The following ENOX1 variants were observed in gnomAD, a reference collection of about 807,000 sequenced individuals.
The protein encoded by ENOX1 is candidate growth-related and time keeping constitutive hydroquinone (NADH) oxidase.
Under a neutral mutation model 82.5 loss-of-function variants are expected in ENOX1, and 42 were observed. The observed-to-expected ratio is 0.51, with a 90% CI of 0.40 to 0.66. The LOEUF (loss-of-function observed/expected upper bound fraction) is 0.66. Ranked by LOEUF, ENOX1 falls within the 30% of genes least tolerant of loss-of-function variation. The pLI is 0.00. For missense variants in ENOX1, 608 were observed against 811.6 expected, an observed-to-expected ratio of 0.75 and a Z score of 3.05; for synonymous variants, 271 against 282.2, an observed-to-expected ratio of 0.96 and a Z score of 0.40.
At chr13:43,331,601 C>T (rs1477855942) in intron 9 of ENOX1, among the ~76,000 whole-genome samples, 1 of 152,062 alleles carries the variant, frequency 6.6e-6, no homozygotes, top group African/African-American at 2.4e-5. Flanking sequence ...CCTCTCCCAC[C>T]CCAGCTTGTT....
intron 3 of ENOX1, among the ~76,000 whole-genome samples, chr13:43,437,239 C>A (rs1273163986): frequency 6.6e-6 from 1 of 152,150 alleles, no homozygotes. Flanking sequence ...GCAAAATAAT[C>A]CGCACATTGG....
intron 5 of ENOX1, among the ~76,000 whole-genome samples, chr13:43,381,479 A>AG: frequency 6.6e-6 from 1 of 151,044 alleles, no homozygotes; most frequent in Non-Finnish European, 1.5e-5. Flanking sequence ...TATAAAAAAA[A>AG]AAAACCTTAA....
At chr13:43,386,862 C>T (rs1469673564) in intron 5 of ENOX1, among the ~76,000 whole-genome samples, 7 of 152,218 alleles carry the variant, frequency 4.6e-5, no homozygotes, top group Admixed American at 2.6e-4. Context: ...TGACAACAAG[C>T]TTTCAAATTC....
intron 1 of ENOX1, among the ~76,000 whole-genome samples, chr13:43,733,868 A>C (rs2089473494): frequency 6.6e-6 from 1 of 152,180 alleles, no homozygotes; most frequent in South Asian, 2.1e-4. Flanking sequence ...TAAACCTATA[A>C]GAGAGAACAG....
intron 2 of ENOX1, among the ~76,000 whole-genome samples, chr13:43,588,097 CTAAT>C (rs2081076128): frequency 6.6e-6 from 1 of 152,186 alleles, no homozygotes; most frequent in African/African-American, 2.4e-5. Flanking sequence ...AATTTCATCT[CTAAT>C]TAACTCCTTA....
chr13:43,338,040 T>C (rs967077536), intron 9 of ENOX1, among the ~76,000 whole-genome samples: 1 of 152,220 alleles, frequency 6.6e-6, no homozygotes, highest in Non-Finnish European at 1.5e-5. Flanking sequence ...TTGCCTTTTC[T>C]CCAGTTTGTT....
At chr13:43,520,183 A>G (rs994744314) in intron 2 of ENOX1, among the ~76,000 whole-genome samples, 2 of 152,168 alleles carry the variant, frequency 1.3e-5, no homozygotes, top group Non-Finnish European at 1.5e-5. Flanking sequence ...ATTACTGCAT[A>G]GCTTGTTGAT....
chr13:43,275,205 T>C (rs1343710914), intron 12 of ENOX1, among the ~76,000 whole-genome samples: 7 of 152,238 alleles, frequency 4.6e-5, no homozygotes, highest in African/African-American at 1.7e-4. Context: ...CTTTTGTGTA[T>C]ACTTCTGTGA....
chr13:43,332,211 G>A (rs1197687542), intron 9 of ENOX1, among the ~76,000 whole-genome samples: 4 of 152,158 alleles, frequency 2.6e-5, no homozygotes, highest in East Asian at 1.9e-4. Context: ...GTGGAAGACA[G>A]TTTTTCCATG....
rs1447683586 is a variant in ENOX1 at position 43,265,387 on chromosome 13, G to C, written c.1611+11C>G. The C allele has an allele frequency of 5.0e-6, 8 of 1,608,848 alleles. No homozygotes were observed. The highest frequency in any genetic ancestry group is 5.1e-6 in the Non-Finnish European group (6 of 1,177,126). ...AGCAAGAAGAACAAATACCAGGTTT[G>C]TGGTACCTACATTTGAATCCTCATG... is the stretch of plus-strand genomic sequence containing the variant. On this transcript the variant is annotated intron_variant, in intron 14 of 16. Coordinates refer to ENST00000690772, the MANE Select transcript of ENOX1 (RefSeq NM_001347969.2).
In ENOX1 at chr13:43,537,875, C is replaced by T. The variant is rs145645928; in HGVS notation, c.-218-53723G>A. Among the ~76,000 whole-genome samples the T allele has an allele frequency of 8.1e-3, 1,228 of 152,318 alleles. 19 individuals are homozygous for T. The highest frequency in any genetic ancestry group is 0.028 in the African/African-American group (1,173 of 41,574). On this transcript the variant is annotated intron_variant, in intron 2 of 16. Coordinates refer to ENST00000690772, the MANE Select transcript of ENOX1 (RefSeq NM_001347969.2). ...GTCTCAGGGTTGTATGGGGCACCCC[C>T]TGCATCTGCCCAGCCTTCTACCCGG...
intron 2 of ENOX1, among the ~76,000 whole-genome samples, chr13:43,551,297 TA>T (rs1287096302): frequency 6.6e-6 from 1 of 152,220 alleles, no homozygotes; most frequent in Non-Finnish European, 1.5e-5. Context: ...CCTTTCTTTT[TA>T]ATTCTATTTA....
At chr13:43,598,850 A>C (rs1211393792) in intron 2 of ENOX1, among the ~76,000 whole-genome samples, 1 of 152,166 alleles carries the variant, frequency 6.6e-6, no homozygotes, top group African/African-American at 2.4e-5. Flanking sequence ...GCTCTAAAGG[A>C]AAGAGCAAAC....
intron 2 of ENOX1, among the ~76,000 whole-genome samples, chr13:43,616,007 G>A (rs190586503): frequency 1.6e-3 from 241 of 147,278 alleles, no homozygotes; most frequent in Middle Eastern, 3.5e-3. Context: ...TAGGCATTTG[G>A]GTTGGTTCCA....
chr13:43,629,809 C>A (rs2083128392), intron 2 of ENOX1, among the ~76,000 whole-genome samples: 3 of 152,110 alleles, frequency 2.0e-5, no homozygotes, highest in South Asian at 4.1e-4. Flanking sequence ...ATAGAAAATT[C>A]TTCTTACAGG....
intron 2 of ENOX1, among the ~76,000 whole-genome samples, chr13:43,535,469 C>T (rs542762100): frequency 6.6e-6 from 1 of 152,176 alleles, no homozygotes; most frequent in Non-Finnish European, 1.5e-5. Flanking sequence ...CAGTACCTCT[C>T]CCCCCATCGT....
intron 8 of ENOX1, among the ~76,000 whole-genome samples, chr13:43,347,540 T>C (rs565973328): frequency 6.6e-6 from 1 of 152,328 alleles, no homozygotes; most frequent in East Asian, 1.9e-4. Flanking sequence ...TAATTTATAT[T>C]AATTAAGACT....
intron 16 of ENOX1, among the ~76,000 whole-genome samples, chr13:43,221,198 AG>A (rs1278050254): frequency 2.6e-5 from 4 of 152,178 alleles, no homozygotes; most frequent in Non-Finnish European, 5.9e-5. Flanking sequence ...AAGAGGCTGC[AG>A]GTGTGTAGAG....
At chr13:43,535,379 CA>C (rs1196381295) in intron 2 of ENOX1, among the ~76,000 whole-genome samples, 1 of 152,176 alleles carries the variant, frequency 6.6e-6, no homozygotes, top group Non-Finnish European at 1.5e-5. Context: ...GACTATGTAG[CA>C]AGATCCATCT....
Sources: gnomAD v4.1 joint callset for allele counts (sites outside exome capture counted in the v4.1 genomes callset) on GRCh38, gnomAD v4.1.1 for gene constraint, MANE v1.5 for transcripts, NCBI Gene and HGNC (gene_info 2026-07-23, HGNC 2026-07-21) for gene names.